YEATS4: variants seen among roughly 807,000 people sequenced by gnomAD.
YEATS4 encodes the protein YEATS domain containing 4.
Under a neutral mutation model 30.1 loss-of-function variants are expected in YEATS4, and 17 were observed. The observed-to-expected ratio is 0.56, with a 90% CI of 0.39 to 0.85. YEATS4 has a LOEUF of 0.85. YEATS4 is among the 40% of genes least tolerant of loss of function. The pLI, the probability that YEATS4 is intolerant of heterozygous loss-of-function variation, is 0.00. For synonymous variants in YEATS4, 85 were observed against 87.5 expected, an observed-to-expected ratio of 0.97 and a Z score of 0.16; for missense variants, 142 against 268.3, an observed-to-expected ratio of 0.53 and a Z score of 3.29.
intron 2 of YEATS4, chr12:69,364,185 G>T (rs1437279698): frequency 4.5e-6 from 2 of 448,884 alleles, no homozygotes; most frequent in African/African-American, 4.0e-5. Flanking sequence ...AGGCAAAATG[G>T]CTCATTCCTG....
At chr12:69,397,280 G>A in the YEATS4 span, among the ~76,000 whole-genome samples, 1 of 152,152 alleles carries the variant, frequency 6.6e-6, no homozygotes, top group East Asian at 1.9e-4. Context: ...CTCAGACTGT[G>A]ACTGTTTTTG....
the YEATS4 span, among the ~76,000 whole-genome samples, chr12:69,408,779 G>A: frequency 1.3e-5 from 2 of 152,214 alleles, no homozygotes; most frequent in Admixed American, 1.3e-4. Flanking sequence ...CTACAGACTA[G>A]ACCTTTCAAT....
At chr12:69,363,093 C>T (rs557670400) in intron 2 of YEATS4, 186 bp downstream of exon 2, 156 of 337,270 alleles carry the variant, frequency 4.6e-4, no homozygotes, top group African/African-American at 3.0e-3. Context: ...CCCGGGTTCA[C>T]GCCATTCTCC....
the YEATS4 span, among the ~76,000 whole-genome samples, chr12:69,415,840 C>T: frequency 6.6e-6 from 1 of 152,082 alleles, no homozygotes. Flanking sequence ...CAGTTGTGGC[C>T]GACTAGCGAG....
At chr12:69,417,442 G>C in the YEATS4 span, among the ~76,000 whole-genome samples, 1 of 151,992 alleles carries the variant, frequency 6.6e-6, no homozygotes, top group Non-Finnish European at 1.5e-5. Context: ...TTACACATGT[G>C]AGCCACCACA....
chr12:69,376,270 G>A (rs1277158428), intron 6 of YEATS4, among the ~76,000 whole-genome samples: 3 of 152,198 alleles, frequency 2.0e-5, no homozygotes, highest in Non-Finnish European at 4.4e-5. Flanking sequence ...TGTGGCAGAG[G>A]CAGGAGAATT....
intron 1 of YEATS4, among the ~76,000 whole-genome samples, chr12:69,361,631 G>A (rs1310577669): frequency 2.6e-5 from 4 of 151,484 alleles, no homozygotes; most frequent in African/African-American, 9.7e-5. Context: ...CATTCACTCA[G>A]CACTTTTCAC....
the YEATS4 span, among the ~76,000 whole-genome samples, chr12:69,414,459 G>A: frequency 6.6e-6 from 1 of 152,124 alleles, no homozygotes; most frequent in Admixed American, 6.5e-5. Flanking sequence ...TGAAACTCCT[G>A]GCCTCAAGTG....
chr12:69,374,996 C>T (rs1443491437), intron 6 of YEATS4, among the ~76,000 whole-genome samples: 10 of 78,300 alleles, frequency 1.3e-4, no homozygotes, highest in African/African-American at 3.7e-4. Flanking sequence ...GGGCGGCGGC[C>T]GGGCGGGGGC....
At chr12:69,370,547 A>G (rs1207890924) in intron 4 of YEATS4, among the ~76,000 whole-genome samples, 159 bp from the exon 5 acceptor site, 1 of 152,220 alleles carries the variant, frequency 6.6e-6, no homozygotes, top group Non-Finnish European at 1.5e-5. Flanking sequence ...AAAGGTACAG[A>G]AAATTTGGGT....
chr12:69,366,790 T>A (rs142730776), intron 4 of YEATS4, among the ~76,000 whole-genome samples: 2 of 152,362 alleles, frequency 1.3e-5, no homozygotes, highest in Non-Finnish European at 2.9e-5. Context: ...GTGTATGTAT[T>A]TTTAAAGGAG....
At chr12:69,387,412 C>T (rs1340822832) in intron 6 of YEATS4, among the ~76,000 whole-genome samples, 1 of 152,096 alleles carries the variant, frequency 6.6e-6, no homozygotes, top group Non-Finnish European at 1.5e-5. Flanking sequence ...ATTACAAGTA[C>T]ATATATATTC....
chr12:69,366,028 A>G (rs1875415142), intron 4 of YEATS4, 144 bp downstream of exon 4: 3 of 562,702 alleles, frequency 5.3e-6, no homozygotes, highest in African/African-American at 4.0e-5. Context: ...TAAGTTTTTC[A>G]TTTTTAAATG....
chr12:69,372,823 C>T (rs938391290), intron 6 of YEATS4, among the ~76,000 whole-genome samples: 1 of 152,150 alleles, frequency 6.6e-6, no homozygotes, highest in African/African-American at 2.4e-5. Context: ...TAGGCATGAG[C>T]CACCACACCC....
At chr12:69,382,471 CCA>C (rs1317936926) in intron 6 of YEATS4, among the ~76,000 whole-genome samples, 14 of 152,130 alleles carry the variant, frequency 9.2e-5, no homozygotes, top group Non-Finnish European at 2.1e-4. Flanking sequence ...TTCCCTGTGT[CCA>C]CCACTACCAC....
chr12:69,404,842 A>G, the YEATS4 span, among the ~76,000 whole-genome samples: 2 of 152,150 alleles, frequency 1.3e-5, no homozygotes, highest in East Asian at 3.9e-4. Flanking sequence ...CTCTGCCTTG[A>G]TTAGACTTGG....
chr12:69,375,083 G>GGA (rs1421832589), intron 6 of YEATS4, among the ~76,000 whole-genome samples: 1 of 149,302 alleles, frequency 6.7e-6, no homozygotes, highest in Non-Finnish European at 1.5e-5. Context: ...GCTGCCGGGC[G>GGA]GAGACGCTCC....
chr12:69,383,178 T>A (rs1876144626), intron 6 of YEATS4, among the ~76,000 whole-genome samples: 1 of 152,084 alleles, frequency 6.6e-6, no homozygotes, highest in East Asian at 1.9e-4. Context: ...GTTGGGGGAT[T>A]ACTTGAGCCC....
chr12:69,391,025 G>A (rs796843743), downstream of YEATS4, among the ~76,000 whole-genome samples: 6 of 152,196 alleles, frequency 3.9e-5, no homozygotes, highest in African/African-American at 7.2e-5. Flanking sequence ...CAGGCATGGC[G>A]GCTTACGCCT....
Sources: allele counts gnomAD v4.1 joint callset (sites outside exome capture counted in the v4.1 genomes callset), GRCh38; gene constraint gnomAD v4.1.1; transcripts MANE v1.5; gene names NCBI Gene and HGNC (gene_info 2026-07-23, HGNC 2026-07-21).